The following SCARA3 variants were observed in gnomAD, a reference collection of about 807,000 sequenced individuals.
SCARA3 encodes cellular stress response gene protein.
In SCARA3, 39 loss-of-function variants were observed where a neutral mutation model predicts 47.0. That is an observed-to-expected ratio of 0.83 (90% CI 0.64 to 1.08). SCARA3 has a LOEUF of 1.08. Among genes scored for constraint, SCARA3 ranks in the 50% least tolerant of loss-of-function variants. The pLI, the probability that SCARA3 is intolerant of heterozygous loss-of-function variation, is 0.00. For synonymous variants in SCARA3, 356 were observed against 334.1 expected (o/e 1.07, Z -0.71); for missense variants, 724 against 792.3 (o/e 0.91, Z 1.04).
rs1459672542 is a variant in SCARA3, at chr8:27,659,114, C to T, written c.944C>T (p.Ser315Leu). 8 of 1,614,098 alleles carry T rather than the reference C, an allele frequency of 5.0e-6. No homozygotes were observed. Among genetic ancestry groups the T allele is most frequent in the East Asian group, 4.5e-5 (2 of 44,858 alleles). The change falls in exon 5 of 6, where the codon TCG becomes TTG. Residue 315 changes from serine (S) to leucine (L), a missense_variant. Transcript: ENST00000301904. ...TTGCAGCTGCAGCTGGATAACATCT[C>T]GTCCTTCCTGGATGACCACGAAGAG... ...MGLQLQLDNI[S>L]SFLDDHEENM...
rs906947957 is a variant in SCARA3, at chr8:27,671,593, CACATGCACACATACACAT to C, written c.*243_*260del. ...ATGCACACACATGCACACATACACG[CACATGCACACATACACAT>C]GCATGCACACATACACAGGCATACA... On this transcript the variant is annotated 3_prime_UTR_variant, in exon 6 of 6. Transcript: ENST00000301904. 1.0e-5 allele frequency: 13 copies of C among 1,244,014 alleles called. No individual in the cohort carries two copies. Among genetic ancestry groups the C allele is most frequent in the Non-Finnish European group, 1.3e-5 (13 of 996,896 alleles). 77.1% of individuals were successfully genotyped at this position (1,244,014 alleles called of 1,614,324 possible). A position where few individuals can be genotyped will look rare whatever the true frequency, so the allele number is the denominator to read the frequency against.
chr8:27,656,796 G>A lies in SCARA3; in HGVS notation c.241G>A (p.Asp81Asn). 1 of 1,609,424 alleles carries A rather than the reference G, an allele frequency of 6.2e-7. No homozygotes were observed. The highest frequency in any genetic ancestry group is 8.5e-7 in the Non-Finnish European group (1 of 1,175,750). Reference sequence around the variant, plus strand: ...TTTCCCTACAGTTTTCAGAAAAGTGGACTCTCTCTCCGAAGACATCTCCTT... The same window carrying A: ...TTTCCCTACAGTTTTCAGAAAAGTGAACTCTCTCTCCGAAGACATCTCCTT... ...VLASLVFRKV[D>N]SLSEDISLTQ... The change falls in exon 4 of 6, where the codon GAC becomes AAC. Residue 81 changes from aspartate to asparagine, a missense_variant. Physicochemically the swap from Asp to Asn is conservative, Grantham distance 23 (BLOSUM62 1). Coordinates refer to ENST00000301904, the MANE Select transcript of SCARA3 (RefSeq NM_016240.3).
At chr8:27,653,208 A>G (rs755747981) in intron 3 of SCARA3, among the ~76,000 whole-genome samples, 3 of 152,222 alleles carry the variant, frequency 2.0e-5, no homozygotes, top group Non-Finnish European at 4.4e-5. Context: ...GGCCCAGAGA[A>G]GAGCGCAGGC....
chr8:27,698,032 A>G, the SCARA3 span, among the ~76,000 whole-genome samples: 1 of 152,252 alleles, frequency 6.6e-6, no homozygotes, highest in African/African-American at 2.4e-5. Context: ...ATATTTTAAA[A>G]AGAAAATACT....
downstream of SCARA3, among the ~76,000 whole-genome samples, chr8:27,677,265 G>T (rs1318041112): frequency 6.6e-6 from 1 of 152,198 alleles, no homozygotes; most frequent in Admixed American, 6.5e-5. Context: ...AGCCCAAACA[G>T]AGCCATAGTC....
chr8:27,647,762 C>A (rs779956), intron 1 of SCARA3, among the ~76,000 whole-genome samples: 1 of 151,990 alleles, frequency 6.6e-6, no homozygotes, highest in African/African-American at 2.4e-5. Flanking sequence ...TTAAGCCATG[C>A]GTGAAGGCCG....
At chr8:27,667,943 T>C (rs1344742198) in intron 5 of SCARA3, among the ~76,000 whole-genome samples, 1 of 152,178 alleles carries the variant, frequency 6.6e-6, no homozygotes, top group Non-Finnish European at 1.5e-5. Context: ...CACCTCCCAC[T>C]CCCATCTGGG....
In SCARA3 at chr8:27,670,988, C is replaced by A. The variant is rs140958701; in HGVS notation, c.1458C>A (p.Pro486=). The A allele has an allele frequency of 1.1e-5, 17 of 1,608,220 alleles. No homozygotes were observed. In the Admixed American group the frequency reaches 2.6e-4, roughly 24 times the overall value. The part of the protein sequence containing the change: ...PVGGRGPKGD[P]GSLGPLGPQG... Reference sequence around the variant, plus strand: ...GCGGCAGAGGCCCGAAAGGAGACCCCGGCAGCTTGGGCCCCCTGGGACCCC... The same window carrying A: ...GCGGCAGAGGCCCGAAAGGAGACCCAGGCAGCTTGGGCCCCCTGGGACCCC... Residue 486 remains proline (P), a synonymous_variant, in exon 6 of 6, where the codon CCC becomes CCA. Coordinates refer to ENST00000301904, the MANE Select transcript of SCARA3 (RefSeq NM_016240.3).
intron 1 of SCARA3, among the ~76,000 whole-genome samples, chr8:27,639,229 T>C (rs573260813): frequency 3.3e-5 from 5 of 152,206 alleles, no homozygotes; most frequent in Non-Finnish European, 4.4e-5. Context: ...GGAAGCACGC[T>C]AGTTGGAAGG....
At chr8:27,669,982 T>A (rs1488892331) in intron 5 of SCARA3, among the ~76,000 whole-genome samples, 1 of 151,876 alleles carries the variant, frequency 6.6e-6, no homozygotes, top group Non-Finnish European at 1.5e-5. Flanking sequence ...GGCACAGCTA[T>A]GAGGGGTGGA....
At chr8:27,662,290 CT>C (rs1439527969) in intron 5 of SCARA3, among the ~76,000 whole-genome samples, 1 of 152,218 alleles carries the variant, frequency 6.6e-6, no homozygotes, top group East Asian at 1.9e-4. Flanking sequence ...CATATACAGC[CT>C]CCTGGAGAAC....
At chr8:27,666,442 T>A (rs971176686) in intron 5 of SCARA3, among the ~76,000 whole-genome samples, 1 of 152,178 alleles carries the variant, frequency 6.6e-6, no homozygotes, top group Non-Finnish European at 1.5e-5. Flanking sequence ...CATAAACTAG[T>A]CCATCGTAAG....
chr8:27,721,167 C>T, the SCARA3 span, among the ~76,000 whole-genome samples: 104 of 142,286 alleles, frequency 7.3e-4, no homozygotes, highest in African/African-American at 2.6e-3. Context: ...AAGCTTCTTA[C>T]TTTTTTAGAA....
the SCARA3 span, among the ~76,000 whole-genome samples, chr8:27,692,170 C>T: frequency 6.6e-6 from 1 of 152,168 alleles, no homozygotes; most frequent in Non-Finnish European, 1.5e-5. Flanking sequence ...AGGTGTCTCA[C>T]ACCTGTAATC....
At chr8:27,689,533 T>C in the SCARA3 span, among the ~76,000 whole-genome samples, 1 of 152,144 alleles carries the variant, frequency 6.6e-6, no homozygotes, top group South Asian at 2.1e-4. Context: ...CAGATCTGGG[T>C]GGGAGGACAG....
chr8:27,729,251 G>GA, the SCARA3 span, among the ~76,000 whole-genome samples: 1 of 152,128 alleles, frequency 6.6e-6, no homozygotes, highest in South Asian at 2.1e-4. Context: ...TTTACTCATT[G>GA]ACTTCCCTTA....
At chr8:27,663,358 G>C (rs1033328260) in intron 5 of SCARA3, among the ~76,000 whole-genome samples, 1 of 152,228 alleles carries the variant, frequency 6.6e-6, no homozygotes, top group African/African-American at 2.4e-5. Context: ...AACTCCCCAT[G>C]AGGCCACAGG....
Position 27,659,314 on chromosome 8 carries a change from C to T in SCARA3, c.1144C>T (p.Arg382Trp), listed in dbSNP as rs369133995. Residue 382 changes from arginine (R) to tryptophan (W), a missense_variant, in exon 5 of 6, where the codon CGG (arginine) becomes TGG (tryptophan). By Grantham distance (101) the Arg-to-Trp change is moderately radical. Transcript: ENST00000301904. The part of the protein sequence containing the change: ...HSMLKYLDDV[R>W]LSCTLGFHTH... ...CATGCTCAAGTACCTGGATGACGTGCGGCTCTCCTGCACGCTGGGCTTCCA... is the reference window on the plus strand; with the variant it reads ...CATGCTCAAGTACCTGGATGACGTGTGGCTCTCCTGCACGCTGGGCTTCCA... 21 of 1,613,996 alleles carry T rather than the reference C, an allele frequency of 1.3e-5. No individual in the cohort carries two copies. The highest frequency in any genetic ancestry group is 5.5e-5 in the South Asian group (5 of 91,074).
In SCARA3 at chr8:27,657,396, G is replaced by A. The variant is rs555661539; in HGVS notation, c.325+516G>A. ...TTATATTGCGTGACACTGAGGTTTG[G>A]GGGGGTAGAAATGATCCTGTCACCC... is the stretch of plus-strand genomic sequence containing the variant. On this transcript the variant is annotated intron_variant, in intron 4 of 5. Transcript: ENST00000301904. Among the ~76,000 whole-genome samples the A allele has an allele frequency of 2.0e-5, 3 of 149,362 alleles. No individual in the cohort carries two copies. The Admixed American group carries it at 2.0e-4, about 10-fold the overall frequency.
Sources: allele counts gnomAD v4.1 joint callset (sites outside exome capture counted in the v4.1 genomes callset), GRCh38; gene constraint gnomAD v4.1.1; transcripts MANE v1.5; gene names NCBI Gene and HGNC (gene_info 2026-07-23, HGNC 2026-07-21).